Variants in ACSM3 observed in about 807,000 individuals in gnomAD.
ACSM3 encodes the protein acyl-CoA synthetase medium chain family member 3, also known as acyl-coenzyme A synthetase ACSM3, mitochondrial.
ACSM3 carries 61 observed loss-of-function variants against 74.1 expected under a neutral mutation model. That is an observed-to-expected ratio of 0.82 (90% CI 0.67 to 1.02). The LOEUF is 1.02. Ranked by LOEUF, ACSM3 falls within the 50% of genes least tolerant of loss-of-function variation. The probability of loss-of-function intolerance (pLI) is 0.00; values close to 1 mark genes in which losing one functional copy is unlikely to be tolerated. For synonymous variants in ACSM3, 213 were observed against 241.5 expected (o/e 0.88, Z 1.09); for missense variants, 660 against 697.0 (o/e 0.95, Z 0.60).
At chr16:20,779,135 G>C (rs2080297682) in intron 4 of ACSM3, among the ~76,000 whole-genome samples, 1 of 152,076 alleles carries the variant, frequency 6.6e-6, no homozygotes, top group Non-Finnish European at 1.5e-5. Context: ...TTTGAAAACA[G>C]CTTTTTAGCC....
Position 20,770,151 on chromosome 16 carries a change from T to A in ACSM3, c.117T>A (p.Asn39Lys). 1 of 1,614,130 alleles carries A rather than the reference T, an allele frequency of 6.2e-7. No homozygotes were observed. The highest frequency in any genetic ancestry group is 8.5e-7 in the Non-Finnish European group (1 of 1,180,016). The change falls in exon 2 of 14, where the codon AAT becomes AAA. Residue 39 changes from asparagine (N) to lysine (K), a missense_variant. By Grantham distance (94) the Asn-to-Lys change is moderately conservative (BLOSUM62 0). Transcript: ENST00000289416. Reference protein sequence around the residue: ...HKDNRTATPQNFSNYESMKQD... With the variant: ...HKDNRTATPQKFSNYESMKQD... ...ATAATAGAACAGCAACCCCTCAGAA[T>A]TTCTCCAACTATGAATCCATGAAAC...
At chr16:20,715,938 T>C (rs1010232230) in intron 1 of ACSM3, among the ~76,000 whole-genome samples, 6 of 152,102 alleles carry the variant, frequency 3.9e-5, no homozygotes, top group African/African-American at 1.4e-4. Flanking sequence ...CCAAGGCAGG[T>C]TCACCCTCAA....
intron 1 of ACSM3, chr16:20,742,107 C>T (rs921251766): frequency 8.1e-7 from 1 of 1,230,648 alleles, no homozygotes; most frequent in African/African-American, 1.5e-5. Context: ...ATAATTCTGC[C>T]AGCTACTGTG....
Position 20,790,843 on chromosome 16 carries a change from G to C in ACSM3, c.1326+155G>C. 6.2e-7 allele frequency: 1 copy of C among 1,614,002 alleles called. No individual in the cohort carries two copies. Among genetic ancestry groups the C allele is most frequent in the Non-Finnish European group, 8.5e-7 (1 of 1,179,924 alleles). On this transcript the variant is annotated intron_variant, in intron 10 of 13. Transcript: ENST00000289416. The surrounding 1 kb of genome is among the most constrained non-coding windows in gnomAD (Gnocchi z 4.0). Reference sequence around the variant, plus strand: ...GTAATCCAAAAGACAAGAAATTGAAGAAATACCCAAATTCTTGCTGAAGAA... The same window carrying C: ...GTAATCCAAAAGACAAGAAATTGAACAAATACCCAAATTCTTGCTGAAGAA...
intron 1 of ACSM3, chr16:20,720,848 A>AGAATC (rs2079782726): frequency 6.6e-6 from 1 of 152,256 alleles, no homozygotes; most frequent in Non-Finnish European, 1.5e-5. Flanking sequence ...ATTAGAATCC[A>AGAATC]TGGAGCAGAT....
At chr16:20,700,658 A>C (rs539739048) in intron 1 of ACSM3, among the ~76,000 whole-genome samples, 2 of 151,992 alleles carry the variant, frequency 1.3e-5, no homozygotes, top group South Asian at 2.1e-4. Context: ...TTATGGACAT[A>C]ATAAGGAGTT....
chr16:20,731,222 A>C (rs1567326900), intron 1 of ACSM3, among the ~76,000 whole-genome samples: 1 of 152,144 alleles, frequency 6.6e-6, no homozygotes, highest in African/African-American at 2.4e-5. Flanking sequence ...GAGACTCTTC[A>C]AACTCCCTTG....
At chr16:20,721,501 G>T (rs2079785396) in intron 1 of ACSM3, 1 of 152,166 alleles carries the variant, frequency 6.6e-6, no homozygotes, top group Non-Finnish European at 1.5e-5. Context: ...AAGAGTGGAA[G>T]AGGATGAGTA....
chr16:20,776,003 C>T lies in ACSM3; in HGVS notation c.384C>T (p.Pro128=), dbSNP rs749393119. 1.2e-6 allele frequency: 2 copies of T among 1,614,156 alleles called. No individual in the cohort carries two copies. The highest frequency in any genetic ancestry group is 1.7e-6 in the Non-Finnish European group (2 of 1,180,038). ...GAGATCGGGTAATTCTGATTCTGCC[C>T]AGGGTCCCAGAGTGGTGGCTTGCAA... ...QRGDRVILIL[P]RVPEWWLANV... Residue 128 remains proline, a synonymous_variant, in exon 3 of 14, where the codon CCC becomes CCT. Coordinates refer to ENST00000289416, the MANE Select transcript of ACSM3 (RefSeq NM_005622.4).
chr16:20,763,959 A>T (rs1236045936), upstream of ACSM3: 1 of 152,242 alleles, frequency 6.6e-6, no homozygotes, highest in Non-Finnish European at 1.5e-5. Context: ...CCACCAATCA[A>T]GGAAAGTGTT....
rs2080608637 is a variant in ACSM3 at position 20,791,956 on chromosome 16, G to A, written c.1327-46G>A. 9 of 1,586,052 alleles carry A rather than the reference G, an allele frequency of 5.7e-6. No individual in the cohort carries two copies. The Admixed American group carries it at 7.4e-5, about 13-fold the overall frequency. ...AAAAAAAAAAAATTCCAATTGACCA[G>A]AAGAGTTGGATTCACCATAACAACA... On this transcript the variant is annotated intron_variant, in intron 10 of 13. Coordinates refer to ENST00000289416, the MANE Select transcript of ACSM3 (RefSeq NM_005622.4).
intron 2 of ACSM3, chr16:20,750,096 A>G (rs2079978475): frequency 6.6e-6 from 1 of 152,268 alleles, no homozygotes; most frequent in Admixed American, 6.5e-5. Flanking sequence ...TCATTCCAAA[A>G]GGTCATTACA....
chr16:20,744,498 C>T (rs2079949853), intron 1 of ACSM3, among the ~76,000 whole-genome samples: 1 of 152,206 alleles, frequency 6.6e-6, no homozygotes, highest in Non-Finnish European at 1.5e-5. Context: ...GATTCTCCTG[C>T]CTCAGCCTCC....
chr16:20,730,821 T>C (rs75513664), intron 1 of ACSM3, among the ~76,000 whole-genome samples: 3,638 of 152,260 alleles, frequency 0.024, 141 homozygotes, highest in African/African-American at 0.083. Context: ...AACGACCTTA[T>C]AGAGATAGAT....
At chr16:20,769,257 C>T (rs928661164) in intron 1 of ACSM3, among the ~76,000 whole-genome samples, 1 of 152,194 alleles carries the variant, frequency 6.6e-6, no homozygotes, top group Non-Finnish European at 1.5e-5. Context: ...ACAGCCTCAA[C>T]CAAGTAAATG....
At chr16:20,741,481 G>GGGGGGGGGGGGGGGCCCCCCC in intron 1 of ACSM3, 1 of 1,308,412 alleles carries the variant, frequency 7.6e-7, no homozygotes, top group Non-Finnish European at 9.9e-7. Context: ...CTGGCAGCCG[G>GGGGGGGGGGGGGGGCCCCCCC]CCCGCCCGCC....
intron 1 of ACSM3, among the ~76,000 whole-genome samples, chr16:20,685,034 CA>C (rs1474568730): frequency 6.6e-6 from 1 of 152,226 alleles, no homozygotes; most frequent in African/African-American, 2.4e-5. Flanking sequence ...ATAATTCCCA[CA>C]GGGCAGGAAG....
At chr16:20,702,237 G>C (rs1464166771) in intron 1 of ACSM3, among the ~76,000 whole-genome samples, 1 of 152,136 alleles carries the variant, frequency 6.6e-6, no homozygotes, top group Non-Finnish European at 1.5e-5. Flanking sequence ...TTATAAGACA[G>C]AGTCTTGCCC....
At chr16:20,701,102 T>C (rs931228892) in intron 1 of ACSM3, among the ~76,000 whole-genome samples, 1 of 152,080 alleles carries the variant, frequency 6.6e-6, no homozygotes, top group Non-Finnish European at 1.5e-5. Flanking sequence ...TTCAATAATA[T>C]AAATGGTAGG....
Sources: gnomAD v4.1 joint callset for allele counts (sites outside exome capture counted in the v4.1 genomes callset) on GRCh38, gnomAD v4.1.1 for gene constraint, Gnocchi (gnomAD v3.1) non-coding constraint, MANE v1.5 for transcripts, NCBI Gene and HGNC (gene_info 2026-07-23, HGNC 2026-07-21) for gene names.